Variants in SEPTIN9 observed in about 807,000 individuals in gnomAD.
The protein encoded by SEPTIN9 is septin 9.
SEPTIN9 carries 13 observed loss-of-function variants against 56.6 expected under a neutral mutation model. The ratio of observed to expected loss-of-function variants is 0.23; its 90% CI spans 0.15 to 0.37. The LOEUF (loss-of-function observed/expected upper bound fraction) is 0.37, where lower values mean the gene tolerates loss of function less well. SEPTIN9 is among the 10% of genes least tolerant of loss of function. The pLI, the probability that SEPTIN9 is intolerant of heterozygous loss-of-function variation, is 1.00. For missense variants in SEPTIN9, 650 were observed against 823.1 expected (o/e 0.79, Z 2.57); for synonymous variants, 332 against 334.1 (o/e 0.99, Z 0.07).
rs1474935526 is a variant in SEPTIN9, at chr17:77,327,593, C to T, written c.76+20396C>T. 1.3e-5 allele frequency among the ~76,000 whole-genome samples: 2 copies of T among 152,178 alleles called. No homozygotes were observed. The highest frequency in any genetic ancestry group is 3.9e-4 in the East Asian group (2 of 5,178). On this transcript the variant is annotated intron_variant, in intron 2 of 11. Transcript: ENST00000427177. The surrounding 1 kb of genome is among the most constrained non-coding windows in gnomAD (Gnocchi z 5.0). ...GGGGATCGTGGGTGGGGAGATTCCT[C>T]TTAACCAGCGGCCCACGTTTGGAGA...
intron 2 of SEPTIN9, among the ~76,000 whole-genome samples, chr17:77,384,419 G>A (rs549880175): frequency 1.3e-5 from 2 of 152,076 alleles, no homozygotes; most frequent in East Asian, 3.9e-4. Context: ...GATAACTCCC[G>A]GGGAGGTGGG....
intron 3 of SEPTIN9, among the ~76,000 whole-genome samples, chr17:77,414,682 A>T (rs746351076): frequency 8.8e-5 from 13 of 148,562 alleles, no homozygotes; most frequent in Non-Finnish European, 1.8e-4. Context: ...GGCTCAAGCC[A>T]TCCTCCCACC....
chr17:77,316,717 T>C (rs796594392), intron 2 of SEPTIN9, among the ~76,000 whole-genome samples: 8,150 of 140,032 alleles, frequency 0.058, 703 homozygotes, highest in African/African-American at 0.2. Context: ...TTTTTTTTTT[T>C]TTAATTTGAG....
At chr17:77,286,535 G>T (rs916694190) in intron 1 of SEPTIN9, 1 of 152,258 alleles carries the variant, frequency 6.6e-6, no homozygotes, top group African/African-American at 2.4e-5. Flanking sequence ...GAGATCCCAG[G>T]TGGGTGTTTG....
intron 10 of SEPTIN9, chr17:77,493,285 T>TC: frequency 3.6e-6 from 2 of 562,312 alleles, no homozygotes; most frequent in Non-Finnish European, 6.4e-6. Context: ...ACCCCAGACC[T>TC]CCCCCCGGGC....
intron 3 of SEPTIN9, among the ~76,000 whole-genome samples, chr17:77,464,007 C>T (rs416743): frequency 0.094 from 14,235 of 152,154 alleles, 1,706 homozygotes; most frequent in African/African-American, 0.28. Flanking sequence ...CCAGAATAGA[C>T]GACTCAGATG....
chr17:77,447,453 C>T (rs2037785013), intron 3 of SEPTIN9, among the ~76,000 whole-genome samples: 1 of 152,252 alleles, frequency 6.6e-6, no homozygotes, highest in South Asian at 2.1e-4. Flanking sequence ...CCCTTTTGAG[C>T]CAGCCAGATC....
chr17:77,493,161 C>T (rs1161661293), intron 10 of SEPTIN9, 85 bp downstream of exon 10: 18 of 1,111,036 alleles, frequency 1.6e-5, no homozygotes, highest in East Asian at 1.5e-4. Context: ...ACGCCTGAGC[C>T]AGGGACTCGT....
At chr17:77,459,763 G>A (rs1459747889) in intron 3 of SEPTIN9, among the ~76,000 whole-genome samples, 1 of 151,972 alleles carries the variant, frequency 6.6e-6, no homozygotes, top group African/African-American at 2.4e-5. Flanking sequence ...CTGGAGTGCA[G>A]TGGCACAATC....
In SEPTIN9 at chr17:77,348,300, T is replaced by TG. The variant is rs150287927; in HGVS notation, c.76+41103_76+41104insG. ...GAATTCTATTTTAATTTATGTTTTTTTTTTTTTTTTTTTTTTAAGACAGAG... is the reference window on the plus strand; with the variant it reads ...GAATTCTATTTTAATTTATGTTTTTTGTTTTTTTTTTTTTTTTAAGACAGAG... On this transcript the variant is annotated intron_variant, in intron 2 of 11. Coordinates refer to ENST00000427177, the MANE Select transcript of SEPTIN9 (RefSeq NM_001113491.2). 4.2e-5 allele frequency among the ~76,000 whole-genome samples: 6 copies of TG among 142,108 alleles called. 1 individual carries two copies. The South Asian group carries it at 9.3e-4, about 22-fold the overall frequency. The allele number at this position is 142,108 out of a possible 152,430, so 93.2% of individuals were successfully genotyped here. A position where few individuals can be genotyped will look rare whatever the true frequency, so the allele number is the denominator to read the frequency against.
In SEPTIN9 at chr17:77,319,598, C is replaced by T; in HGVS notation, c.76+12401C>T. On this transcript the variant is annotated intron_variant, in intron 2 of 11. Coordinates refer to ENST00000427177, the MANE Select transcript of SEPTIN9 (RefSeq NM_001113491.2). The surrounding 1 kb of genome is among the most constrained non-coding windows in gnomAD (Gnocchi z 5.3). Reference sequence around the variant, plus strand: ...GGGCAGGTGCTCCGGAACCTTTTCTCAGCACGCTGGCCTGGGGCACGGCCG... The same window carrying T: ...GGGCAGGTGCTCCGGAACCTTTTCTTAGCACGCTGGCCTGGGGCACGGCCG... 6 of 1,061,132 alleles carry T rather than the reference C, an allele frequency of 5.7e-6. No homozygotes were observed. The highest frequency in any genetic ancestry group is 6.8e-6 in the Non-Finnish European group (6 of 876,734). 65.7% of individuals were successfully genotyped at this position (1,061,132 alleles called of 1,614,324 possible).
intron 2 of SEPTIN9, among the ~76,000 whole-genome samples, chr17:77,385,800 A>G (rs1198775555): frequency 6.6e-6 from 1 of 152,118 alleles, no homozygotes; most frequent in Non-Finnish European, 1.5e-5. Context: ...TTTGGCCACA[A>G]GGAATGTGGG....
intron 2 of SEPTIN9, among the ~76,000 whole-genome samples, chr17:77,390,444 A>C (rs1598297475): frequency 3.6e-5 from 5 of 137,000 alleles, no homozygotes; most frequent in South Asian, 2.3e-4. Flanking sequence ...AAAAAACTGC[A>C]CATTTCGCTT....
At chr17:77,321,430 G>T (rs1479898214) in intron 2 of SEPTIN9, among the ~76,000 whole-genome samples, 5 of 150,216 alleles carry the variant, frequency 3.3e-5, no homozygotes, top group Admixed American at 3.3e-4. Context: ...GACGGAGTCT[G>T]GCTCTGTTGC....
chr17:77,325,818 GTCT>G, intron 2 of SEPTIN9, among the ~76,000 whole-genome samples: 1 of 152,154 alleles, frequency 6.6e-6, no homozygotes, highest in East Asian at 1.9e-4. Flanking sequence ...CTGGACACAA[GTCT>G]CCATCCTGAA....
rs1470212464 is a variant in SEPTIN9 at position 77,486,520 on chromosome 17, GTGCGCGCA to G, written c.914-903_914-896del. Reference sequence around the variant, plus strand: ...TGTGTGTGTGTGTGTGTGTGTGTGTGTGCGCGCACGCGCGCGCGTGTTATATGTGATTT... The same window carrying G: ...TGTGTGTGTGTGTGTGTGTGTGTGTGCGCGCGCGCGTGTTATATGTGATTT... On this transcript the variant is annotated intron_variant, in intron 4 of 11. Coordinates refer to ENST00000427177, the MANE Select transcript of SEPTIN9 (RefSeq NM_001113491.2). 1.4e-3 allele frequency among the ~76,000 whole-genome samples: 120 copies of G among 83,692 alleles called. 1 individual carries two copies. The highest frequency in any genetic ancestry group is 0.012 in the African/African-American group (115 of 9,872). 54.9% of individuals were successfully genotyped at this position (83,692 alleles called of 152,430 possible). A position where few individuals can be genotyped will look rare whatever the true frequency, so the allele number is the denominator to read the frequency against.
chr17:77,292,887 G>GC (rs892245869), intron 1 of SEPTIN9, among the ~76,000 whole-genome samples: 5 of 152,146 alleles, frequency 3.3e-5, no homozygotes, highest in African/African-American at 1.2e-4. Flanking sequence ...CTTCCCCTTG[G>GC]CCCCCTGGCC....
At chr17:77,334,057 G>A (rs2143722125) in intron 2 of SEPTIN9, among the ~76,000 whole-genome samples, 1 of 152,156 alleles carries the variant, frequency 6.6e-6, no homozygotes, top group Admixed American at 6.5e-5. Flanking sequence ...GCACAGTGGG[G>A]TAAGACTTGG....
chr17:77,442,918 A>T (rs1308914908), intron 3 of SEPTIN9, among the ~76,000 whole-genome samples: 1 of 151,888 alleles, frequency 6.6e-6, no homozygotes, highest in Non-Finnish European at 1.5e-5. Flanking sequence ...GGCAAAACAA[A>T]TGAGTTTTTG....
Sources: gnomAD v4.1 joint callset for allele counts (sites outside exome capture counted in the v4.1 genomes callset) on GRCh38, gnomAD v4.1.1 for gene constraint, Gnocchi (gnomAD v3.1) non-coding constraint, MANE v1.5 for transcripts, NCBI Gene and HGNC (gene_info 2026-07-23, HGNC 2026-07-21) for gene names.